FAM83B: variants seen among roughly 807,000 people sequenced by gnomAD.
FAM83B encodes the protein scaffolding CK1 anchoring protein B, also known as protein FAM83B.
A neutral mutation model predicts 38.8 loss-of-function variants in FAM83B; 26 were observed. That is an observed-to-expected ratio of 0.67 (90% confidence interval 0.49 to 0.93). The LOEUF (loss-of-function observed/expected upper bound fraction) is 0.93, where lower values mean the gene tolerates loss of function less well. FAM83B is among the 40% of genes least tolerant of loss of function. The pLI is 0.00. For missense variants in FAM83B, 1,237 were observed against 1,197.3 expected (o/e 1.03, Z -0.49); for synonymous variants, 419 against 423.1 (o/e 0.99, Z 0.12).
Position 54,941,414 on chromosome 6 carries a change from CA to C in FAM83B, c.2448del (p.Lys816AsnfsTer34). On this transcript the variant is annotated frameshift_variant, in exon 5 of 5. Coordinates refer to ENST00000306858, the MANE Select transcript of FAM83B (RefSeq NM_001010872.3). LOFTEE classifies it low-confidence loss of function (END_TRUNC). Reference protein sequence around the residue: ...DTLVSEGEENQKPKKSDTKVD... With the variant: ...DTLVSEGEENXKPKKSDTKVD... Reference sequence around the variant, plus strand: ...ATTAGTTTCTGAGGGTGAAGAAAATCAAAAACCAAAGAAATCAGACACAAAA... The same window carrying C: ...ATTAGTTTCTGAGGGTGAAGAAAATCAAAACCAAAGAAATCAGACACAAAA... 6.2e-7 allele frequency: 1 copy of C among 1,612,778 alleles called. No homozygotes were observed. The highest frequency in any genetic ancestry group is 8.5e-7 in the Non-Finnish European group (1 of 1,179,722).
chr6:54,920,093 A>C (rs915266037), intron 2 of FAM83B, among the ~76,000 whole-genome samples: 2 of 151,988 alleles, frequency 1.3e-5, no homozygotes, highest in Non-Finnish European at 2.9e-5. Context: ...ATTATATATA[A>C]ATTTCATGCA....
chr6:54,870,727 A>G (rs1405518469), intron 2 of FAM83B, 37 bp downstream of exon 2: 2 of 1,527,282 alleles, frequency 1.3e-6, no homozygotes, highest in Non-Finnish European at 8.8e-7. Flanking sequence ...AAAATTTGAA[A>G]CATGTAGAAA....
At chr6:54,872,644 C>T (rs918176636) in intron 2 of FAM83B, among the ~76,000 whole-genome samples, 14 of 152,084 alleles carry the variant, frequency 9.2e-5, no homozygotes, top group Non-Finnish European at 2.1e-4. Context: ...CACTGGGAAC[C>T]GAACATTAGT....
intron 2 of FAM83B, among the ~76,000 whole-genome samples, chr6:54,925,685 A>G (rs376894): frequency 0.048 from 7,240 of 152,140 alleles, 224 homozygotes; most frequent in Non-Finnish European, 0.067. Context: ...TCAACCAAAC[A>G]TGTATAAAAT....
chr6:54,883,348 T>C (rs1334285020), intron 2 of FAM83B, among the ~76,000 whole-genome samples: 1 of 149,618 alleles, frequency 6.7e-6, no homozygotes, highest in Non-Finnish European at 1.5e-5. Context: ...TTTTTTTTTT[T>C]TTTGAGATGG....
At chr6:54,871,939 T>G (rs1352184745) in intron 2 of FAM83B, among the ~76,000 whole-genome samples, 1 of 152,034 alleles carries the variant, frequency 6.6e-6, no homozygotes, top group Non-Finnish European at 1.5e-5. Flanking sequence ...TATGCTTTTA[T>G]GAAGTACGTC....
intron 4 of FAM83B, among the ~76,000 whole-genome samples, chr6:54,929,673 AATC>A (rs1274562091): frequency 6.6e-6 from 1 of 152,110 alleles, no homozygotes; most frequent in Non-Finnish European, 1.5e-5. Context: ...CACACATAAA[AATC>A]ATCACAGTTG....
At chr6:54,923,723 T>G (rs965273624) in intron 2 of FAM83B, among the ~76,000 whole-genome samples, 4 of 152,040 alleles carry the variant, frequency 2.6e-5, no homozygotes, top group Non-Finnish European at 4.4e-5. Flanking sequence ...ATCAAAGAAC[T>G]CAGAAGAGAA....
At chr6:54,867,875 A>G (rs1375271530) in intron 1 of FAM83B, among the ~76,000 whole-genome samples, 3 of 152,152 alleles carry the variant, frequency 2.0e-5, no homozygotes, top group Non-Finnish European at 4.4e-5. Context: ...AAATTAAATG[A>G]ATAGGTTTGC....
At chr6:54,908,487 T>C (rs1772827440) in intron 2 of FAM83B, among the ~76,000 whole-genome samples, 1 of 151,842 alleles carries the variant, frequency 6.6e-6, no homozygotes, top group Non-Finnish European at 1.5e-5. Flanking sequence ...GATATCTGGT[T>C]TATTCTGATT....
At chr6:54,864,819 C>T (rs893558608) in intron 1 of FAM83B, among the ~76,000 whole-genome samples, 1 of 152,084 alleles carries the variant, frequency 6.6e-6, no homozygotes, top group Non-Finnish European at 1.5e-5. Context: ...CTTTATGAAA[C>T]ATTTTCTTAC....
rs191448628 is a variant in FAM83B, at chr6:54,932,571, A to T, written c.734+4939A>T. Among the ~76,000 whole-genome samples the T allele has an allele frequency of 3.1e-3, 466 of 152,304 alleles. 5 individuals carry two copies. The highest frequency in any genetic ancestry group is 0.01 in the African/African-American group (433 of 41,584). The stretch of plus-strand genomic sequence containing the variant: ...ATATTTACTTTTACTGGAGAACTTG[A>T]TATTTTCATAAGGCTTTGTGTTGCT... On this transcript the variant is annotated intron_variant, in intron 4 of 4. Coordinates refer to ENST00000306858, the MANE Select transcript of FAM83B (RefSeq NM_001010872.3).
At chr6:54,913,264 T>G (rs1772955031) in intron 2 of FAM83B, among the ~76,000 whole-genome samples, 1 of 152,084 alleles carries the variant, frequency 6.6e-6, no homozygotes, top group South Asian at 2.1e-4. Flanking sequence ...ACCTCACCAA[T>G]CTTCTCTTTA....
chr6:54,852,286 C>T (rs1183959030), intron 1 of FAM83B, among the ~76,000 whole-genome samples: 1 of 152,234 alleles, frequency 6.6e-6, no homozygotes, highest in African/African-American at 2.4e-5. Context: ...ATTTTTCCAA[C>T]AGCACATGCT....
intron 1 of FAM83B, among the ~76,000 whole-genome samples, chr6:54,849,746 G>T (rs1326484025): frequency 6.6e-6 from 1 of 151,714 alleles, no homozygotes; most frequent in Non-Finnish European, 1.5e-5. Context: ...CCTTAAGAGT[G>T]GGGTGAGAAG....
chr6:54,853,391 G>T (rs1400819763), intron 1 of FAM83B, among the ~76,000 whole-genome samples: 2 of 152,160 alleles, frequency 1.3e-5, no homozygotes, highest in Admixed American at 6.5e-5. Context: ...CTAGAGAGGG[G>T]AAGTCAATGC....
rs139426656 is a variant in FAM83B, at chr6:54,856,086, G to A, written c.-61+9260G>A. On this transcript the variant is annotated intron_variant, in intron 1 of 4. Transcript: ENST00000306858. The stretch of plus-strand genomic sequence containing the variant: ...GTGTTGTAGCAATTGCTAAATAATG[G>A]CCACAACTCTTTGGGGAAAGCTTAA... Among the ~76,000 whole-genome samples the A allele has an allele frequency of 3.3e-3, 499 of 152,248 alleles. 4 individuals are homozygous for A. The highest frequency in any genetic ancestry group is 0.011 in the African/African-American group (470 of 41,536).
chr6:54,890,601 C>G (rs1032673820), intron 2 of FAM83B, among the ~76,000 whole-genome samples: 3 of 151,972 alleles, frequency 2.0e-5, no homozygotes, highest in African/African-American at 7.2e-5. Flanking sequence ...TCATCAGTTA[C>G]ACATGTGAAA....
chr6:54,923,698 C>T (rs1338568925), intron 2 of FAM83B, among the ~76,000 whole-genome samples: 1 of 151,930 alleles, frequency 6.6e-6, no homozygotes, highest in Non-Finnish European at 1.5e-5. Context: ...CCTTGCTTCC[C>T]ACTACACTGA....
Sources: allele counts gnomAD v4.1 joint callset (sites outside exome capture counted in the v4.1 genomes callset), GRCh38; gene constraint gnomAD v4.1.1; transcripts MANE v1.5; gene names NCBI Gene and HGNC (gene_info 2026-07-23, HGNC 2026-07-21).